The following SEC22B variants were observed in gnomAD, a reference collection of about 807,000 sequenced individuals.
SEC22B encodes vesicle-trafficking protein SEC22b.
Under a neutral mutation model 31.4 loss-of-function variants are expected in SEC22B, and 10 were observed. The observed-to-expected ratio is 0.32, with a 90% CI of 0.20 to 0.54. The LOEUF (loss-of-function observed/expected upper bound fraction) is 0.54. Among genes scored for constraint, SEC22B ranks in the 20% least tolerant of loss-of-function variants. SEC22B has a pLI of 0.94. For synonymous variants in SEC22B, 60 were observed against 95.9 expected (o/e 0.63, Z 2.19); for missense variants, 130 against 263.4 (o/e 0.49, Z 3.50).
intron 2 of SEC22B, among the ~76,000 whole-genome samples, chr1:120,167,519 TC>T (rs1439031608): frequency 2.0e-5 from 3 of 152,070 alleles, no homozygotes; most frequent in African/African-American, 7.2e-5. Context: ...CTGTCCCGTT[TC>T]TTCAAACTTA....
At chr1:120,168,604 T>C (rs1657848365) in intron 2 of SEC22B, among the ~76,000 whole-genome samples, 1 of 150,934 alleles carries the variant, frequency 6.6e-6, no homozygotes, top group African/African-American at 2.5e-5. Context: ...CAAGAAGTTA[T>C]CTATTATTGC....
At position 120,153,095 on chromosome 1, in the gene SEC22B, T is replaced by G. The variant is rs1248277745; in HGVS notation, c.*3943A>C. On this transcript the variant is annotated 3_prime_UTR_variant, in exon 5 of 5. Transcript: ENST00000578049. ...ATAAACTTTATGAGAACTGAGTGAC[T>G]ACATTGCTTCAGATAGTTTTATACT... 6.6e-6 allele frequency: 1 copy of G among 151,818 alleles called. No individual in the cohort carries two copies. The highest frequency in any genetic ancestry group is 1.5e-5 in the Non-Finnish European group (1 of 67,996). The allele number at this position is 151,818 out of a possible 1,614,324, so 9.4% of individuals were successfully genotyped here.
intron 2 of SEC22B, among the ~76,000 whole-genome samples, chr1:120,168,197 C>A (rs1488045989): frequency 3.3e-5 from 5 of 151,836 alleles, no homozygotes; most frequent in African/African-American, 9.7e-5. Flanking sequence ...CCTTTTTAAT[C>A]CTTCCTATTT....
Position 120,151,122 on chromosome 1 carries a change from T to C in SEC22B, c.*5916A>G, listed in dbSNP as rs1439160642. ...GAGGGGCCAAACAACATGCAAACCA[T>C]AGCAGCAGGTTTAAAGGTAAAAGGA... On this transcript the variant is annotated 3_prime_UTR_variant, in exon 5 of 5. Coordinates refer to ENST00000578049, the MANE Select transcript of SEC22B (RefSeq NM_004892.6). 11 of 152,192 alleles carry C rather than the reference T, an allele frequency of 7.2e-5. 1 individual carries two copies. The South Asian group carries it at 1.0e-3, about 14-fold the overall frequency. 9.4% of individuals were successfully genotyped at this position (152,192 alleles called of 1,614,324 possible).
Position 120,150,988 on chromosome 1 carries a change from C to A in SEC22B, c.*6050G>T, listed in dbSNP as rs1269287009. On this transcript the variant is annotated 3_prime_UTR_variant, in exon 5 of 5. Coordinates refer to ENST00000578049, the MANE Select transcript of SEC22B (RefSeq NM_004892.6). ...CTAACCATTCCCAGGAGAACCCAGT[C>A]TCAGTGTCAAGAGAAAGATGTTAAT... 5.3e-5 allele frequency: 8 copies of A among 152,178 alleles called. No individual in the cohort carries two copies. The highest frequency in any genetic ancestry group is 1.2e-4 in the Non-Finnish European group (8 of 68,036). The allele number at this position is 152,178 out of a possible 1,614,324, so 9.4% of individuals were successfully genotyped here.
At chr1:120,169,901 C>T (rs1264565957) in intron 1 of SEC22B, among the ~76,000 whole-genome samples, 2 of 149,554 alleles carry the variant, frequency 1.3e-5, no homozygotes, top group African/African-American at 5.0e-5. Context: ...CCTAACCCCC[C>T]AAAGTGATGG....
At position 120,159,691 on chromosome 1, in the gene SEC22B, A is replaced by G. The variant is rs1222113617; in HGVS notation, c.493+693T>C. Among the ~76,000 whole-genome samples, 4 of 152,226 alleles carry G rather than the reference A, an allele frequency of 2.6e-5. No individual in the cohort carries two copies. The East Asian group carries it at 7.7e-4, about 29-fold the overall frequency. ...AGTACAGAAGAGATTAATGTGATACAGGCTATAAGGATCAGAGAAAGGTTC... is the reference window on the plus strand; with the variant it reads ...AGTACAGAAGAGATTAATGTGATACGGGCTATAAGGATCAGAGAAAGGTTC... On this transcript the variant is annotated intron_variant, in intron 4 of 4. Transcript: ENST00000578049.
In SEC22B at chr1:120,152,350, C is replaced by A. The variant is rs1192304912; in HGVS notation, c.*4688G>T. 2 of 149,722 alleles carry A rather than the reference C, an allele frequency of 1.3e-5. No homozygotes were observed. Among genetic ancestry groups the A allele is most frequent in the Non-Finnish European group, 3.0e-5 (2 of 67,696 alleles). The allele number at this position is 149,722 out of a possible 1,614,324, so 9.3% of individuals were successfully genotyped here. A position where few individuals can be genotyped will look rare whatever the true frequency, so the allele number is the denominator to read the frequency against. ...AAAGAATAAATACACTCAGTTGATT[C>A]TGAAGCTCTAATTTACAGATGCAAA... On this transcript the variant is annotated 3_prime_UTR_variant, in exon 5 of 5. Coordinates refer to ENST00000578049, the MANE Select transcript of SEC22B (RefSeq NM_004892.6).
intron 1 of SEC22B, among the ~76,000 whole-genome samples, chr1:120,171,755 A>G: frequency 7.6e-6 from 1 of 131,016 alleles, no homozygotes; most frequent in South Asian, 2.4e-4. Context: ...GTCATCCACC[A>G]AAATGGATAT....
chr1:120,157,407 C>A, intron 4 of SEC22B: 1 of 348,246 alleles, frequency 2.9e-6, no homozygotes, highest in East Asian at 4.2e-5. Context: ...GTTAGAAGTG[C>A]AGGTTCTGGC....
At position 120,153,296 on chromosome 1, in the gene SEC22B, CAGTT is replaced by C. The variant is rs1367667306; in HGVS notation, c.*3738_*3741del. On this transcript the variant is annotated 3_prime_UTR_variant, in exon 5 of 5. Coordinates refer to ENST00000578049, the MANE Select transcript of SEC22B (RefSeq NM_004892.6). ...AAAGAAAAACCCACCAGGTAGGAGT[CAGTT>C]AGTTCTGCTAACTAACTAACCAAAA... 1.3e-5 allele frequency: 2 copies of C among 150,046 alleles called. No individual in the cohort carries two copies. Among genetic ancestry groups the C allele is most frequent in the Non-Finnish European group, 2.9e-5 (2 of 67,916 alleles). 9.3% of individuals were successfully genotyped at this position (150,046 alleles called of 1,614,324 possible). A position where few individuals can be genotyped will look rare whatever the true frequency, so the allele number is the denominator to read the frequency against.
chr1:120,167,551 G>C (rs1657831639), intron 2 of SEC22B, among the ~76,000 whole-genome samples: 1 of 151,760 alleles, frequency 6.6e-6, no homozygotes, highest in African/African-American at 2.4e-5. Flanking sequence ...ATGGGAATTT[G>C]TTCCTTCCTT....
chr1:120,152,687 T>G lies in SEC22B; in HGVS notation c.*4351A>C, dbSNP rs1379247362. On this transcript the variant is annotated 3_prime_UTR_variant, in exon 5 of 5. Coordinates refer to ENST00000578049, the MANE Select transcript of SEC22B (RefSeq NM_004892.6). ...AAAAGAATAAAGGAAGACGTGATAA[T>G]GAAGTAAATTTAAAAAGTACGGAAT... is the stretch of plus-strand genomic sequence containing the variant. 3 of 144,694 alleles carry G rather than the reference T, an allele frequency of 2.1e-5. No homozygotes were observed. The highest frequency in any genetic ancestry group is 8.4e-5 in the African/African-American group (3 of 35,510). 9.0% of individuals were successfully genotyped at this position (144,694 alleles called of 1,614,324 possible).
chr1:120,163,945 C>CTCTCTT (rs1246293032), intron 2 of SEC22B, among the ~76,000 whole-genome samples: 170 of 68,940 alleles, frequency 2.5e-3, no homozygotes, highest in African/African-American at 6.6e-3. Flanking sequence ...ATTAGATTCT[C>CTCTCTT]TTTTTTTTTT....
chr1:120,157,143 G>C lies in SEC22B; in HGVS notation c.543C>G (p.Arg181=). The change falls in exon 5 of 5, where the codon CGC becomes CGG. Residue 181 remains arginine, a synonymous_variant. Coordinates refer to ENST00000578049, the MANE Select transcript of SEC22B (RefSeq NM_004892.6). ...GCATGTTCAAGTACTTCGCATCCTG[G>C]CGGTATTTCTTGGACAGACTGGACA... The part of the protein sequence containing the change: ...NNLSSLSKKY[R]QDAKYLNMRS... 1 of 1,577,966 alleles carries C rather than the reference G, an allele frequency of 6.3e-7. No homozygotes were observed. The highest frequency in any genetic ancestry group is 2.3e-5 in the East Asian group (1 of 43,880).
At position 120,153,121 on chromosome 1, in the gene SEC22B, G is replaced by T. The variant is rs1219484902; in HGVS notation, c.*3917C>A. 1 of 151,816 alleles carries T rather than the reference G, an allele frequency of 6.6e-6. No individual in the cohort carries two copies. The highest frequency in any genetic ancestry group is 1.5e-5 in the Non-Finnish European group (1 of 67,994). 9.4% of individuals were successfully genotyped at this position (151,816 alleles called of 1,614,324 possible). A position where few individuals can be genotyped will look rare whatever the true frequency, so the allele number is the denominator to read the frequency against. ...ACATTGCTTCAGATAGTTTTATACTGCTAGGTCAACGCTGCCTGACAGTAA... is the reference window on the plus strand; with the variant it reads ...ACATTGCTTCAGATAGTTTTATACTTCTAGGTCAACGCTGCCTGACAGTAA... On this transcript the variant is annotated 3_prime_UTR_variant, in exon 5 of 5. Coordinates refer to ENST00000578049, the MANE Select transcript of SEC22B (RefSeq NM_004892.6).
chr1:120,152,393 A>C lies in SEC22B; in HGVS notation c.*4645T>G, dbSNP rs1325212536. The stretch of plus-strand genomic sequence containing the variant: ...GATGCAAAATTGTACCAGTACATTA[A>C]CTCATATGTCAAAACAACATCTAGA... On this transcript the variant is annotated 3_prime_UTR_variant, in exon 5 of 5. Coordinates refer to ENST00000578049, the MANE Select transcript of SEC22B (RefSeq NM_004892.6). 6.7e-6 allele frequency: 1 copy of C among 149,810 alleles called. No homozygotes were observed. The highest frequency in any genetic ancestry group is 1.5e-5 in the Non-Finnish European group (1 of 67,712). 9.3% of individuals were successfully genotyped at this position (149,810 alleles called of 1,614,324 possible).
rs781877122 is a variant in SEC22B at position 120,151,377 on chromosome 1, GCA to G, written c.*5659_*5660del. ...TTCTAAAGAAAATGTAGTATGATTA[GCA>G]CACACACACACAAAAATTATTGGCC... On this transcript the variant is annotated 3_prime_UTR_variant, in exon 5 of 5. Coordinates refer to ENST00000578049, the MANE Select transcript of SEC22B (RefSeq NM_004892.6). 2.0e-4 allele frequency: 30 copies of G among 152,296 alleles called. No individual in the cohort carries two copies. The highest frequency in any genetic ancestry group is 3.7e-4 in the Non-Finnish European group (25 of 68,088). 9.4% of individuals were successfully genotyped at this position (152,296 alleles called of 1,614,324 possible). A position where few individuals can be genotyped will look rare whatever the true frequency, so the allele number is the denominator to read the frequency against.
intron 1 of SEC22B, among the ~76,000 whole-genome samples, chr1:120,175,922 T>C (rs1657953105): frequency 6.6e-6 from 1 of 152,192 alleles, no homozygotes; most frequent in South Asian, 2.1e-4. Flanking sequence ...TGCCACGTTA[T>C]AGACTTGAAG....
Sources: allele counts gnomAD v4.1 joint callset (sites outside exome capture counted in the v4.1 genomes callset), GRCh38; gene constraint gnomAD v4.1.1; transcripts MANE v1.5; gene names NCBI Gene and HGNC (gene_info 2026-07-23, HGNC 2026-07-21).